The following CLCN5 variants were observed in gnomAD, a reference collection of about 807,000 sequenced individuals.
The protein encoded by CLCN5 is Cl-/H+ antiporter 5.
Under a neutral mutation model 54.0 loss-of-function variants are expected in CLCN5, and 17 were observed. That is an observed-to-expected ratio of 0.31 (90% confidence interval 0.22 to 0.47). The LOEUF is 0.47. Ranked by LOEUF, CLCN5 falls within the 20% of genes least tolerant of loss-of-function variation. The pLI is 1.00. For missense variants in CLCN5, 448 were observed against 646.7 expected (o/e 0.69, Z 3.33); for synonymous variants, 222 against 233.0 (o/e 0.95, Z 0.43).
chrX:49,946,347 T>G (rs1557172106), intron 3 of CLCN5, among the ~76,000 whole-genome samples: 1 of 111,367 alleles, frequency 9.0e-6, no homozygotes, highest in Non-Finnish European at 1.9e-5. Context: ...TCTCACAGGC[T>G]GCAATCAAGG....
intron 14 of CLCN5, 43 bp from the exon 15 acceptor site, chrX:50,092,086 T>C (rs1557194873): frequency 2.0e-6 from 2 of 1,001,565 alleles, no homozygotes; most frequent in East Asian, 6.1e-5. Flanking sequence ...CTATTTTAAC[T>C]ACAGATTTAT....
At chrX:50,081,037 A>G in intron 8 of CLCN5, among the ~76,000 whole-genome samples, 1 of 111,636 alleles carries the variant, frequency 9.0e-6, no homozygotes, top group Non-Finnish European at 1.9e-5. Context: ...CAGCTTTTTC[A>G]GGGCAAAAGA....
At chrX:50,087,979 A>G (rs1933950238) in intron 11 of CLCN5, among the ~76,000 whole-genome samples, 2 of 112,102 alleles carry the variant, frequency 1.8e-5, no homozygotes, top group African/African-American at 6.5e-5. Flanking sequence ...GATGAGCTTT[A>G]CTTTTTTGGT....
intron 4 of CLCN5, among the ~76,000 whole-genome samples, chrX:50,060,326 G>T (rs529411761): frequency 9.1e-6 from 1 of 110,430 alleles, no homozygotes; most frequent in East Asian, 2.9e-4. Flanking sequence ...GAAGCAGGGC[G>T]AGGCATTGCC....
chrX:49,937,175 C>G (rs1926042606), intron 3 of CLCN5, among the ~76,000 whole-genome samples: 1 of 111,422 alleles, frequency 9.0e-6, no homozygotes, highest in South Asian at 3.8e-4. Context: ...TAGGATCCCA[C>G]TTGTTCAACA....
chrX:50,097,671 T>G lies in CLCN5; in HGVS notation c.*5452T>G, dbSNP rs1282834331. The G allele has an allele frequency of 5.4e-5, 6 of 111,642 alleles. No homozygotes were observed. Among genetic ancestry groups the G allele is most frequent in the Non-Finnish European group, 5.6e-5 (3 of 53,157 alleles). 9.2% of individuals were successfully genotyped at this position (111,642 alleles called of 1,213,427 possible). A position where few individuals can be genotyped will look rare whatever the true frequency, so the allele number is the denominator to read the frequency against. On this transcript the variant is annotated 3_prime_UTR_variant, in exon 15 of 15. Transcript: ENST00000376091. ...TGAATTCAGATTTCTCTTTCTTTTATTATAGGCATGTTGTTTTGAATGTGG... is the reference window on the plus strand; with the variant it reads ...TGAATTCAGATTTCTCTTTCTTTTAGTATAGGCATGTTGTTTTGAATGTGG...
intron 3 of CLCN5, among the ~76,000 whole-genome samples, chrX:49,941,357 C>T (rs1926321536): frequency 9.0e-6 from 1 of 111,054 alleles, no homozygotes; most frequent in African/African-American, 3.3e-5. Context: ...TAAATGATAG[C>T]TATTATTATT....
intron 4 of CLCN5, among the ~76,000 whole-genome samples, chrX:50,057,872 G>T (rs971061478): frequency 1.1e-4 from 12 of 110,748 alleles, no homozygotes; most frequent in African/African-American, 3.9e-4. Flanking sequence ...ACAAATAGGT[G>T]AAATGGGATG....
At chrX:50,052,425 A>G (rs781827307) in intron 4 of CLCN5, among the ~76,000 whole-genome samples, 1 of 111,843 alleles carries the variant, frequency 8.9e-6, no homozygotes, top group Admixed American at 9.5e-5. Context: ...ATATTATGCA[A>G]TGTCGAATTC....
chrX:50,010,235 T>G lies in CLCN5; in HGVS notation c.17-32081T>G, dbSNP rs891711677. On this transcript the variant is annotated intron_variant, in intron 3 of 14. Transcript: ENST00000376091. Reference sequence around the variant, plus strand: ...CTTCCTTTCCTTTCCTTTCTTTTCTTCTCTCTTTTCTTTTCTTTCTTTTTT... The same window carrying G: ...CTTCCTTTCCTTTCCTTTCTTTTCTGCTCTCTTTTCTTTTCTTTCTTTTTT... Among the ~76,000 whole-genome samples the G allele has an allele frequency of 3.7e-4, 41 of 109,782 alleles. 1 individual carries two copies. The highest frequency in any genetic ancestry group is 3.9e-4 in the Admixed American group (4 of 10,149).
intron 4 of CLCN5, among the ~76,000 whole-genome samples, chrX:50,056,126 G>T (rs1932740016): frequency 9.1e-6 from 1 of 109,747 alleles, no homozygotes; most frequent in African/African-American, 3.3e-5. Context: ...AATCCAAGGA[G>T]AATCTCACAA....
At position 49,974,949 on chromosome X, in the gene CLCN5, A is replaced by C. The variant is rs782025690; in HGVS notation, c.16+49635A>C. Among the ~76,000 whole-genome samples the C allele has an allele frequency of 4.7e-3, 526 of 112,002 alleles. 5 individuals carry two copies. Among genetic ancestry groups the C allele is most frequent in the African/African-American group, 0.016 (496 of 30,815 alleles). ...TTTGAGGACATAATTCATTCAGCTG[A>C]TATTTCATTGGCTTCTTTATACAAG... On this transcript the variant is annotated intron_variant, in intron 3 of 14. Transcript: ENST00000376091.
chrX:49,998,590 C>A (rs942385188), intron 3 of CLCN5, among the ~76,000 whole-genome samples: 1 of 111,041 alleles, frequency 9.0e-6, no homozygotes, highest in African/African-American at 3.3e-5. Flanking sequence ...TTTCACAATC[C>A]CCCTCCCACA....
intron 3 of CLCN5, among the ~76,000 whole-genome samples, chrX:49,979,525 T>G (rs1000345200): frequency 1.8e-5 from 2 of 112,357 alleles, no homozygotes; most frequent in African/African-American, 6.5e-5. Flanking sequence ...TTCTTCCTAC[T>G]TAACAAAATA....
intron 5 of CLCN5, among the ~76,000 whole-genome samples, 195 bp from the exon 6 acceptor site, chrX:50,072,294 A>G (rs1403766205): frequency 2.7e-5 from 3 of 111,786 alleles, no homozygotes; most frequent in Admixed American, 9.5e-5. Flanking sequence ...GCATTACAAT[A>G]CTGTAGATGA....
chrX:49,985,356 A>G (rs1928948678), intron 3 of CLCN5, among the ~76,000 whole-genome samples: 1 of 111,972 alleles, frequency 8.9e-6, no homozygotes, highest in African/African-American at 3.2e-5. Context: ...CTGCCATTTC[A>G]TATTGAGAAT....
intron 3 of CLCN5, among the ~76,000 whole-genome samples, chrX:50,032,671 G>T (rs1302774241): frequency 1.3e-4 from 14 of 109,116 alleles, no homozygotes; most frequent in African/African-American, 3.8e-4. Flanking sequence ...TTTGTAGGTT[G>T]CCTGTTCACT....
At chrX:50,042,557 T>C (rs1932264489) in intron 4 of CLCN5, 95 bp downstream of exon 4, 2 of 567,748 alleles carry the variant, frequency 3.5e-6, no homozygotes, top group Admixed American at 1.1e-4. Context: ...TAGCACACAG[T>C]CCTGTGAGTT....
intron 3 of CLCN5, among the ~76,000 whole-genome samples, chrX:49,943,853 T>A (rs1281071071): frequency 9.0e-6 from 1 of 111,549 alleles, no homozygotes; most frequent in African/African-American, 3.3e-5. Context: ...TCCAGCTTTG[T>A]TCTTTTGGCT....
Sources: gnomAD v4.1 joint callset for allele counts (sites outside exome capture counted in the v4.1 genomes callset) on GRCh38, gnomAD v4.1.1 for gene constraint, MANE v1.5 for transcripts, NCBI Gene and HGNC (gene_info 2026-07-23, HGNC 2026-07-21) for gene names.